Variants in SASH1 observed in about 807,000 individuals in gnomAD.
SASH1 encodes SAM and SH3 domain-containing protein 1.
In SASH1, 44 loss-of-function variants were observed where a neutral mutation model predicts 125.2. The observed-to-expected ratio is 0.35, with a 90% confidence interval of 0.28 to 0.45. SASH1 has a LOEUF of 0.45. Ranked by LOEUF, SASH1 falls within the 20% of genes least tolerant of loss-of-function variation. The probability of loss-of-function intolerance (pLI) is 1.00; values close to 1 mark genes in which losing one functional copy is unlikely to be tolerated. For synonymous variants in SASH1, 639 were observed against 649.1 expected, an observed-to-expected ratio of 0.98 and a Z score of 0.24; for missense variants, 1,426 against 1,614.5, an observed-to-expected ratio of 0.88 and a Z score of 2.00.
intron 1 of SASH1, among the ~76,000 whole-genome samples, chr6:148,326,376 A>ATACATTCTT (rs1582968893): frequency 2.6e-5 from 1 of 38,316 alleles, no homozygotes; most frequent in Admixed American, 4.4e-4. Context: ...ATATATATAC[A>ATACATTCTT]TTCTTTTCTT....
rs76885094 is a variant in SASH1, at chr6:148,287,906, T to G, written n.74+15529T>G. 2.3e-3 allele frequency among the ~76,000 whole-genome samples: 350 copies of G among 152,326 alleles called. 2 individuals are homozygous for G. Among genetic ancestry groups the G allele is most frequent in the African/African-American group, 8.1e-3 (336 of 41,568 alleles). ...TTAGTGATGGTTTCTTGTTTGTTGG[T>G]ACAGTATGGAACTAACCTTTAGTCC... is the stretch of plus-strand genomic sequence containing the variant. On this transcript the variant is annotated intron_variant and non_coding_transcript_variant, in intron 1 of 3. Transcript: ENST00000367469.
chr6:148,200,986 C>T, the SASH1 span, among the ~76,000 whole-genome samples: 4 of 152,152 alleles, frequency 2.6e-5, no homozygotes, highest in Admixed American at 2.0e-4. Context: ...ACTTCCTCTC[C>T]ACTGGTGAGG....
intron 1 of SASH1, among the ~76,000 whole-genome samples, chr6:148,322,965 CTCTA>C (rs1278889635): frequency 1.4e-5 from 2 of 144,412 alleles, no homozygotes; most frequent in Non-Finnish European, 3.0e-5. Flanking sequence ...CTCCCTCCCT[CTCTA>C]CTTCCCTCCC....
At chr6:148,354,949 G>A (rs916443132) in intron 1 of SASH1, among the ~76,000 whole-genome samples, 3 of 152,114 alleles carry the variant, frequency 2.0e-5, no homozygotes, top group African/African-American at 7.2e-5. Flanking sequence ...AGTAAAGATG[G>A]GGTTTCACCA....
At chr6:148,238,661 CAT>C in the SASH1 span, among the ~76,000 whole-genome samples, 1 of 132,566 alleles carries the variant, frequency 7.5e-6, no homozygotes, top group Admixed American at 7.7e-5. Flanking sequence ...CACACACACA[CAT>C]CCCAAATTGT....
chr6:148,373,898 G>A (rs1217568951), intron 1 of SASH1, among the ~76,000 whole-genome samples: 1 of 152,208 alleles, frequency 6.6e-6, no homozygotes, highest in Non-Finnish European at 1.5e-5. Flanking sequence ...GCTTGAACCT[G>A]GGAGACGGAG....
intron 1 of SASH1, among the ~76,000 whole-genome samples, chr6:148,377,559 A>G (rs1185278058): frequency 6.6e-6 from 1 of 152,200 alleles, no homozygotes; most frequent in African/African-American, 2.4e-5. Context: ...GAAATCAATA[A>G]TTCCTGTACT....
chr6:148,234,890 CTGG>C, the SASH1 span, among the ~76,000 whole-genome samples: 1 of 151,806 alleles, frequency 6.6e-6, no homozygotes, highest in Non-Finnish European at 1.5e-5. Flanking sequence ...GCTGGAGAAC[CTGG>C]TGGGGTCTGA....
chr6:148,430,446 C>T (rs1467769988), intron 2 of SASH1, among the ~76,000 whole-genome samples: 1 of 152,238 alleles, frequency 6.6e-6, no homozygotes, highest in African/African-American at 2.4e-5. Context: ...ATTCTCCTGC[C>T]TTGGCCTCCC....
intron 8 of SASH1, among the ~76,000 whole-genome samples, chr6:148,507,700 ACTT>A (rs759250202): frequency 6.6e-6 from 1 of 152,016 alleles, no homozygotes; most frequent in Non-Finnish European, 1.5e-5. Flanking sequence ...CCAACTCTAA[ACTT>A]CTGCCATTTT....
chr6:148,387,515 C>CGTT (rs1783427408), intron 1 of SASH1, among the ~76,000 whole-genome samples: 1 of 141,046 alleles, frequency 7.1e-6, no homozygotes, highest in African/African-American at 2.7e-5. Context: ...CTTTCTTTTT[C>CGTT]CTTCTTTCTT....
In SASH1 at chr6:148,548,547, G is replaced by C. The variant is rs1457600502; in HGVS notation, c.3733G>C (p.Glu1245Gln). 2 of 1,604,726 alleles carry C rather than the reference G, an allele frequency of 1.2e-6. No individual in the cohort carries two copies. Residue 1245 changes from glutamate to glutamine, a missense_variant, in exon 20 of 20, where the codon GAG becomes CAG. By Grantham distance (29) the Glu-to-Gln change is conservative. This residue lies in a region of SASH1 where 634 missense variants were observed against 694.4 expected (regional missense o/e 0.91). Coordinates refer to ENST00000367467, the MANE Select transcript of SASH1 (RefSeq NM_015278.5). ...ACTCTTCAAACTGCCGCCAGGCCCT[G>C]AGGCCATGTAGCCAGGCCCGGAATG... ...ARLFKLPPGP[E>Q]AM
chr6:148,290,069 T>C (rs1263014957), intron 1 of SASH1, among the ~76,000 whole-genome samples: 3 of 151,392 alleles, frequency 2.0e-5, no homozygotes, highest in Non-Finnish European at 2.9e-5. Flanking sequence ...GGTTTCACTA[T>C]GTTGGCCAGA....
intron 19 of SASH1, among the ~76,000 whole-genome samples, chr6:148,548,021 T>C (rs1782661750): frequency 6.6e-6 from 1 of 152,240 alleles, no homozygotes; most frequent in East Asian, 1.9e-4. Flanking sequence ...GCAGAATATG[T>C]AAATGCTTAT....
chr6:148,201,573 C>T, the SASH1 span, among the ~76,000 whole-genome samples: 1 of 152,168 alleles, frequency 6.6e-6, no homozygotes, highest in Non-Finnish European at 1.5e-5. Context: ...TCTCGGGGCA[C>T]ACTTTGAGAA....
chr6:148,362,317 G>A (rs990161742), intron 1 of SASH1, among the ~76,000 whole-genome samples: 5 of 151,112 alleles, frequency 3.3e-5, no homozygotes, highest in Middle Eastern at 3.5e-3. Flanking sequence ...CTGCCTCTCT[G>A]GTTTAAGAGA....
intron 1 of SASH1, among the ~76,000 whole-genome samples, chr6:148,300,752 G>C (rs1473471619): frequency 6.6e-6 from 1 of 151,978 alleles, no homozygotes; most frequent in African/African-American, 2.4e-5. Context: ...CAAAATGCTG[G>C]AATTACAAAT....
intron 1 of SASH1, among the ~76,000 whole-genome samples, chr6:148,347,921 G>C (rs1354862014): frequency 6.6e-6 from 1 of 152,358 alleles, no homozygotes; most frequent in Middle Eastern, 3.4e-3. Context: ...CAGGGTAACA[G>C]AGAGGAGGCA....
chr6:148,498,459 A>G (rs1779412637), intron 8 of SASH1, among the ~76,000 whole-genome samples: 1 of 152,102 alleles, frequency 6.6e-6, no homozygotes, highest in Admixed American at 6.5e-5. Flanking sequence ...GATAAAAACA[A>G]ATGACAAAAT....
Sources: allele counts gnomAD v4.1 joint callset (sites outside exome capture counted in the v4.1 genomes callset), GRCh38; gene constraint gnomAD v4.1.1; regional missense constraint gnomAD v4.1.1; transcripts MANE v1.5; gene names NCBI Gene and HGNC (gene_info 2026-07-23, HGNC 2026-07-21).